The following NTM variants were observed in gnomAD, a reference collection of about 807,000 sequenced individuals.
NTM encodes the protein neurotrimin.
A neutral mutation model predicts 42.1 loss-of-function variants in NTM; 13 were observed. The ratio of observed to expected loss-of-function variants is 0.31; its 90% confidence interval spans 0.20 to 0.49. The LOEUF (loss-of-function observed/expected upper bound fraction) is 0.49, where lower values mean the gene tolerates loss of function less well. Ranked by LOEUF, NTM falls within the 20% of genes least tolerant of loss-of-function variation. The probability of loss-of-function intolerance (pLI) is 0.99; values close to 1 mark genes in which losing one functional copy is unlikely to be tolerated. For synonymous variants in NTM, 187 were observed against 179.2 expected, an observed-to-expected ratio of 1.04 and a Z score of -0.35; for missense variants, 373 against 452.8, an observed-to-expected ratio of 0.82 and a Z score of 1.60.
chr11:131,697,997 T>C (rs1010943878), intron 1 of NTM, among the ~76,000 whole-genome samples: 1 of 152,136 alleles, frequency 6.6e-6, no homozygotes, highest in African/African-American at 2.4e-5. Flanking sequence ...ATAGGAAGTA[T>C]ATATCTGAAT....
intron 4 of NTM, among the ~76,000 whole-genome samples, chr11:132,299,190 G>A (rs1392566242): frequency 6.6e-6 from 1 of 152,148 alleles, no homozygotes; most frequent in Non-Finnish European, 1.5e-5. Flanking sequence ...AGCTACTCAG[G>A]AGGCTGAGGC....
At position 132,104,596 on chromosome 11, in the gene NTM, A is replaced by G. The variant is rs528753407; in HGVS notation, c.168-41686A>G. The stretch of plus-strand genomic sequence containing the variant: ...GTGGGACCCCCCCCCACCAAAAATA[A>G]TAATAACTAATAGTAATAATCATAA... On this transcript the variant is annotated intron_variant, in intron 2 of 8. Coordinates refer to ENST00000683400, the MANE Select transcript of NTM (RefSeq NM_001352005.2). 5.8e-5 allele frequency among the ~76,000 whole-genome samples: 6 copies of G among 102,578 alleles called. No individual in the cohort carries two copies. The South Asian group carries it at 1.6e-3, about 27-fold the overall frequency. The allele number at this position is 102,578 out of a possible 152,430, so 67.3% of individuals were successfully genotyped here. A position where few individuals can be genotyped will look rare whatever the true frequency, so the allele number is the denominator to read the frequency against.
intron 1 of NTM, among the ~76,000 whole-genome samples, chr11:131,720,664 A>G (rs2078224549): frequency 6.6e-6 from 1 of 152,168 alleles, no homozygotes; most frequent in East Asian, 1.9e-4. Flanking sequence ...TTCCTGATAA[A>G]ATTTAGCATT....
chr11:131,785,963 TA>T (rs2089120263), intron 1 of NTM, among the ~76,000 whole-genome samples: 1 of 152,166 alleles, frequency 6.6e-6, no homozygotes, highest in Admixed American at 6.5e-5. Context: ...GTGATGGCCA[TA>T]TGCTTTAGAT....
At position 132,291,961 on chromosome 11, in the gene NTM, G is replaced by C. The variant is rs1036792857; in HGVS notation, c.527-15728G>C. 1.2e-4 allele frequency among the ~76,000 whole-genome samples: 18 copies of C among 152,298 alleles called. No individual in the cohort carries two copies. In the South Asian group the frequency reaches 2.1e-3, roughly 18 times the overall value. The stretch of plus-strand genomic sequence containing the variant: ...TCTGAGACAGCACATTTGGACAACT[G>C]TTCTGAGAAGCTTGACTGTGAAAAG... On this transcript the variant is annotated intron_variant, in intron 4 of 8. Transcript: ENST00000683400.
intron 1 of NTM, among the ~76,000 whole-genome samples, chr11:131,626,941 A>G (rs2063162208): frequency 6.6e-6 from 1 of 152,252 alleles, no homozygotes. Context: ...CTGCCTGGGC[A>G]AAGCTCTGAG....
At chr11:132,063,616 C>G (rs2081011238) in intron 2 of NTM, among the ~76,000 whole-genome samples, 1 of 152,160 alleles carries the variant, frequency 6.6e-6, no homozygotes, top group Non-Finnish European at 1.5e-5. Flanking sequence ...CCTAATTGTG[C>G]AGTTATTTCA....
At chr11:132,206,595 A>T (rs1442395866) in intron 3 of NTM, among the ~76,000 whole-genome samples, 1 of 152,234 alleles carries the variant, frequency 6.6e-6, no homozygotes, top group Non-Finnish European at 1.5e-5. Flanking sequence ...TAACTTGGCC[A>T]AGGTTGCCCA....
At chr11:131,742,693 T>C (rs2081338188) in intron 1 of NTM, among the ~76,000 whole-genome samples, 1 of 152,192 alleles carries the variant, frequency 6.6e-6, no homozygotes, top group Non-Finnish European at 1.5e-5. Flanking sequence ...AACAAGCTGC[T>C]CAACTAAAAT....
At chr11:131,576,254 C>T (rs1438773293) in intron 1 of NTM, among the ~76,000 whole-genome samples, 5 of 152,184 alleles carry the variant, frequency 3.3e-5, no homozygotes, top group Non-Finnish European at 7.3e-5. Flanking sequence ...TTCAACTCTT[C>T]TCCAGCACAG....
rs949397925 is a variant in NTM, at chr11:131,391,387, C to A, written c.82+20499C>A. On this transcript the variant is annotated intron_variant, in intron 1 of 8. Transcript: ENST00000683400. The stretch of plus-strand genomic sequence containing the variant: ...TTGGCCCTCCCCGCCCCACTCCTTG[C>A]CTCATGTTAATTTCCCACCTGAGTA... 1.2e-4 allele frequency among the ~76,000 whole-genome samples: 18 copies of A among 152,218 alleles called. No homozygotes were observed. In the East Asian group the frequency reaches 3.3e-3, roughly 28 times the overall value.
At chr11:132,069,915 C>T (rs1414750096) in intron 2 of NTM, among the ~76,000 whole-genome samples, 2 of 145,448 alleles carry the variant, frequency 1.4e-5, no homozygotes, top group South Asian at 2.2e-4. Flanking sequence ...ACAGCCAAAA[C>T]ACGTCAAACT....
chr11:131,877,023 T>C (rs775982945), intron 1 of NTM, among the ~76,000 whole-genome samples: 1 of 152,034 alleles, frequency 6.6e-6, no homozygotes, highest in Non-Finnish European at 1.5e-5. Flanking sequence ...CGTATCCAAG[T>C]AATTTTTGTG....
intron 1 of NTM, among the ~76,000 whole-genome samples, chr11:131,508,056 G>A (rs1400385598): frequency 6.7e-6 from 1 of 150,064 alleles, no homozygotes; most frequent in East Asian, 2.0e-4. Flanking sequence ...AAACTAAAGA[G>A]CTTCTGCACA....
chr11:131,724,953 C>T (rs912649160), intron 1 of NTM, among the ~76,000 whole-genome samples: 37 of 152,230 alleles, frequency 2.4e-4, no homozygotes, highest in East Asian at 3.9e-4. Flanking sequence ...TGAGGGGCTC[C>T]GGATGTTCAG....
At chr11:131,877,311 T>TC (rs1325756099) in intron 1 of NTM, among the ~76,000 whole-genome samples, 2 of 152,202 alleles carry the variant, frequency 1.3e-5, no homozygotes, top group Non-Finnish European at 2.9e-5. Context: ...CTATGGAGTC[T>TC]CCCCACGTTG....
At chr11:131,682,292 T>A (rs1008591170) in intron 1 of NTM, among the ~76,000 whole-genome samples, 1 of 152,320 alleles carries the variant, frequency 6.6e-6, no homozygotes, top group South Asian at 2.1e-4. Flanking sequence ...GGGCAATACC[T>A]GCCTGGAAGG....
At chr11:131,931,832 G>A (rs1054460816) in intron 2 of NTM, among the ~76,000 whole-genome samples, 10 of 152,178 alleles carry the variant, frequency 6.6e-5, no homozygotes, top group Non-Finnish European at 1.2e-4. Flanking sequence ...CTGCATCTAT[G>A]AGGGCCAGGG....
chr11:132,242,403 G>C (rs1305446810), intron 4 of NTM, among the ~76,000 whole-genome samples: 1 of 152,156 alleles, frequency 6.6e-6, no homozygotes, highest in Admixed American at 6.5e-5. Context: ...GGGAAAAAAG[G>C]GGGGCTCCTG....
Sources: gnomAD v4.1 joint callset for allele counts (sites outside exome capture counted in the v4.1 genomes callset) on GRCh38, gnomAD v4.1.1 for gene constraint, MANE v1.5 for transcripts, NCBI Gene and HGNC (gene_info 2026-07-23, HGNC 2026-07-21) for gene names.